Variants in LRRC4C observed in about 807,000 individuals in gnomAD.
The protein encoded by LRRC4C is leucine-rich repeat-containing protein 4C.
Under a neutral mutation model 33.6 loss-of-function variants are expected in LRRC4C, and 5 were observed. The ratio of observed to expected loss-of-function variants is 0.15; its 90% CI spans 0.08 to 0.31. The LOEUF (loss-of-function observed/expected upper bound fraction) is 0.31. Among genes scored for constraint, LRRC4C ranks in the 10% least tolerant of loss-of-function variants. The pLI is 1.00. For synonymous variants in LRRC4C, 329 were observed against 302.0 expected (o/e 1.09, Z -0.93); for missense variants, 560 against 796.7 (o/e 0.70, Z 3.58).
chr11:40,129,879 C>T (rs1173555643), intron 6 of LRRC4C, among the ~76,000 whole-genome samples: 1 of 152,048 alleles, frequency 6.6e-6, no homozygotes, highest in Non-Finnish European at 1.5e-5. Context: ...CTAAAAAATC[C>T]GACCCAGGGA....
At chr11:40,546,960 A>T (rs1457787361) in intron 3 of LRRC4C, among the ~76,000 whole-genome samples, 1 of 152,124 alleles carries the variant, frequency 6.6e-6, no homozygotes, top group African/African-American at 2.4e-5. Flanking sequence ...TTGAATTCAC[A>T]CCTAGCCTTG....
chr11:40,422,275 CAA>C (rs1379545790), intron 3 of LRRC4C, among the ~76,000 whole-genome samples: 10 of 152,060 alleles, frequency 6.6e-5, no homozygotes, highest in Non-Finnish European at 1.2e-4. Context: ...ATTGAAGAGA[CAA>C]GAGGTAGAAC....
At position 40,320,312 on chromosome 11, in the gene LRRC4C, T is replaced by C. The variant is rs200378078; in HGVS notation, c.-269-591A>G. Among the ~76,000 whole-genome samples, 3 of 152,240 alleles carry C rather than the reference T, an allele frequency of 2.0e-5. No individual in the cohort carries two copies. The East Asian group carries it at 5.8e-4, about 30-fold the overall frequency. On this transcript the variant is annotated intron_variant, in intron 3 of 6. Coordinates refer to ENST00000528697, the MANE Select transcript of LRRC4C (RefSeq NM_001258419.2). ...CGAAGTCAGGAGATCGAGACCATCC[T>C]GTCTAACACGGTGAAACCCCATTTC...
chr11:41,100,343 G>A (rs1941092293), intron 1 of LRRC4C, among the ~76,000 whole-genome samples: 1 of 151,998 alleles, frequency 6.6e-6, no homozygotes, highest in Non-Finnish European at 1.5e-5. Context: ...CGAGGTGGGT[G>A]GATCCTGAGG....
At chr11:41,128,470 G>A (rs1308574076) in intron 1 of LRRC4C, among the ~76,000 whole-genome samples, 1 of 152,080 alleles carries the variant, frequency 6.6e-6, no homozygotes, top group Non-Finnish European at 1.5e-5. Flanking sequence ...CATAGTAGGT[G>A]CTGAATAAAG....
At chr11:41,051,864 T>C (rs1469825098) in intron 1 of LRRC4C, among the ~76,000 whole-genome samples, 2 of 152,206 alleles carry the variant, frequency 1.3e-5, no homozygotes, top group Admixed American at 1.3e-4. Flanking sequence ...TAATGCAATA[T>C]GCTAAGAGCA....
At chr11:41,221,732 T>C (rs1315721181) in intron 1 of LRRC4C, among the ~76,000 whole-genome samples, 1 of 152,310 alleles carries the variant, frequency 6.6e-6, no homozygotes, top group Non-Finnish European at 1.5e-5. Flanking sequence ...ATGGGAAATA[T>C]TGGAAAGAAT....
At chr11:40,864,649 G>A (rs184566746) in intron 2 of LRRC4C, among the ~76,000 whole-genome samples, 18 of 152,314 alleles carry the variant, frequency 1.2e-4, no homozygotes, top group Admixed American at 1.0e-3. Flanking sequence ...GACATACCTA[G>A]TGGATTAAGG....
At chr11:41,261,925 A>C (rs565150591) in intron 1 of LRRC4C, among the ~76,000 whole-genome samples, 1 of 152,278 alleles carries the variant, frequency 6.6e-6, no homozygotes, top group South Asian at 2.1e-4. Flanking sequence ...AAAAGTGTGC[A>C]TGTCCAGGAT....
intron 2 of LRRC4C, among the ~76,000 whole-genome samples, chr11:40,915,332 T>G (rs561607652): frequency 1.4e-4 from 21 of 152,270 alleles, no homozygotes; most frequent in East Asian, 1.4e-3. Context: ...AGCATGGTAC[T>G]GGTACCAAAA....
chr11:40,932,368 G>T (rs951804628), intron 2 of LRRC4C, among the ~76,000 whole-genome samples: 1 of 152,160 alleles, frequency 6.6e-6, no homozygotes, highest in Non-Finnish European at 1.5e-5. Flanking sequence ...CAAGAATATT[G>T]AGAGTTGTTT....
chr11:40,332,057 C>T (rs1417267459), intron 3 of LRRC4C, among the ~76,000 whole-genome samples: 1 of 152,150 alleles, frequency 6.6e-6, no homozygotes, highest in African/African-American at 2.4e-5. Flanking sequence ...TGTGATGAAG[C>T]TTTTTCTATA....
intron 3 of LRRC4C, among the ~76,000 whole-genome samples, chr11:40,635,510 A>G (rs1963869377): frequency 6.6e-6 from 1 of 152,152 alleles, no homozygotes; most frequent in Non-Finnish European, 1.5e-5. Context: ...TTACAAAACT[A>G]CAAGACATGT....
At chr11:40,917,606 C>T (rs1232275627) in intron 2 of LRRC4C, among the ~76,000 whole-genome samples, 1 of 152,044 alleles carries the variant, frequency 6.6e-6, no homozygotes, top group Non-Finnish European at 1.5e-5. Flanking sequence ...TCATCCAGAT[C>T]CAAGTCCCAA....
At chr11:41,181,415 C>T (rs1034451001) in intron 1 of LRRC4C, among the ~76,000 whole-genome samples, 2 of 151,780 alleles carry the variant, frequency 1.3e-5, no homozygotes, top group Admixed American at 6.6e-5. Flanking sequence ...GTTCCTGTTT[C>T]CCTGAGCCAC....
intron 3 of LRRC4C, among the ~76,000 whole-genome samples, chr11:40,469,702 G>T (rs1181470787): frequency 6.6e-6 from 1 of 152,160 alleles, no homozygotes; most frequent in Non-Finnish European, 1.5e-5. Flanking sequence ...GAGGGCAGGG[G>T]TGTTCACCAT....
intron 1 of LRRC4C, among the ~76,000 whole-genome samples, chr11:41,162,568 C>T (rs543244812): frequency 2.6e-5 from 4 of 152,136 alleles, no homozygotes; most frequent in East Asian, 1.9e-4. Context: ...TAGCCTATTG[C>T]TCCTTAGGCT....
At chr11:41,019,048 AT>A (rs1474794934) in intron 1 of LRRC4C, among the ~76,000 whole-genome samples, 1 of 151,946 alleles carries the variant, frequency 6.6e-6, no homozygotes, top group Non-Finnish European at 1.5e-5. Flanking sequence ...ACTGTTTTTT[AT>A]TTCCTTATGT....
At chr11:40,329,537 C>T (rs1476605376) in intron 3 of LRRC4C, among the ~76,000 whole-genome samples, 1 of 151,896 alleles carries the variant, frequency 6.6e-6, no homozygotes, top group Non-Finnish European at 1.5e-5. Context: ...TTGTGTACCT[C>T]GTGGTATAGA....
Sources: allele counts gnomAD v4.1 joint callset (sites outside exome capture counted in the v4.1 genomes callset), GRCh38; gene constraint gnomAD v4.1.1; transcripts MANE v1.5; gene names NCBI Gene and HGNC (gene_info 2026-07-23, HGNC 2026-07-21).